MEOX2: variants seen among roughly 807,000 people sequenced by gnomAD.
MEOX2 encodes mesenchyme homeobox 2, also known as homeobox protein MOX-2.
Under a neutral mutation model 27.0 loss-of-function variants are expected in MEOX2, and 11 were observed. The ratio of observed to expected loss-of-function variants is 0.41; its 90% CI spans 0.26 to 0.68. MEOX2 has a LOEUF of 0.68. MEOX2 is among the 30% of genes least tolerant of loss of function. The pLI is 0.33. For missense variants in MEOX2, 436 were observed against 385.4 expected (o/e 1.13, Z -1.10); for synonymous variants, 189 against 155.4 (o/e 1.22, Z -1.61).
chr7:15,615,447 A>T (rs1236684414), intron 2 of MEOX2, among the ~76,000 whole-genome samples: 3 of 151,876 alleles, frequency 2.0e-5, no homozygotes, highest in Non-Finnish European at 4.4e-5. Flanking sequence ...AAGCATATAG[A>T]GTATGTGGAC....
chr7:15,657,147 G>T (rs1781834921), intron 1 of MEOX2, among the ~76,000 whole-genome samples: 1 of 152,034 alleles, frequency 6.6e-6, no homozygotes, highest in Non-Finnish European at 1.5e-5. Flanking sequence ...TCAGAAGTTT[G>T]ACTGTGATGC....
chr7:15,620,454 ACTACT>A (rs1384905797), intron 2 of MEOX2, among the ~76,000 whole-genome samples: 1 of 152,058 alleles, frequency 6.6e-6, no homozygotes, highest in Admixed American at 6.6e-5. Flanking sequence ...TGTAGTCCCA[ACTACT>A]CTACTCGGGA....
chr7:15,613,081 A>G (rs908633837), intron 2 of MEOX2, among the ~76,000 whole-genome samples: 22 of 152,258 alleles, frequency 1.4e-4, no homozygotes, highest in South Asian at 8.3e-4. Context: ...CTCTGCCATC[A>G]GAAACTACTG....
intron 2 of MEOX2, among the ~76,000 whole-genome samples, chr7:15,619,324 C>T (rs1392535249): frequency 6.6e-6 from 1 of 151,868 alleles, no homozygotes; most frequent in Non-Finnish European, 1.5e-5. Flanking sequence ...AAGTCTCTTT[C>T]TTTAGCAGTA....
At chr7:15,630,614 T>C (rs1047657461) in intron 1 of MEOX2, among the ~76,000 whole-genome samples, 8 of 152,066 alleles carry the variant, frequency 5.3e-5, no homozygotes, top group Non-Finnish European at 1.2e-4. Flanking sequence ...AAATGAATAC[T>C]AAGCCTCAGC....
chr7:15,612,819 C>A lies in MEOX2; in HGVS notation c.691-208G>T, dbSNP rs887076292. Among the ~76,000 whole-genome samples the A allele has an allele frequency of 2.0e-5, 3 of 152,136 alleles. No homozygotes were observed. The East Asian group carries it at 5.8e-4, about 29-fold the overall frequency. ...TTTTTAAAGTTTCAAAAGGTGCATA[C>A]AAAGTACTATATTTGTATTTTACAG... On this transcript the variant is annotated intron_variant, in intron 2 of 2. Coordinates refer to ENST00000262041, the MANE Select transcript of MEOX2 (RefSeq NM_005924.5).
intron 2 of MEOX2, among the ~76,000 whole-genome samples, chr7:15,623,214 G>T (rs191702633): frequency 1.3e-5 from 2 of 152,140 alleles, no homozygotes; most frequent in Non-Finnish European, 2.9e-5. Context: ...ATTTCACTGG[G>T]ATGAGAGCCC....
intron 1 of MEOX2, among the ~76,000 whole-genome samples, chr7:15,663,673 A>G (rs910271428): frequency 1.3e-5 from 2 of 152,176 alleles, no homozygotes; most frequent in African/African-American, 4.8e-5. Flanking sequence ...ACATAGCACT[A>G]AACTTATTTT....
chr7:15,651,758 A>C (rs908507203), intron 1 of MEOX2, among the ~76,000 whole-genome samples: 1 of 151,644 alleles, frequency 6.6e-6, no homozygotes, highest in Non-Finnish European at 1.5e-5. Flanking sequence ...CTCTACTGAA[A>C]AAAAGGAAAA....
rs146116757 is a variant in MEOX2 at position 15,631,906 on chromosome 7, A to ATGTGTGTG, written c.518-4996_518-4989dup. ...AAAGAGCAAGTTAAGCCAAGGTTAA[A>ATGTGTGTG]TGTGTGTGTGTGTGTGTGTGTGTGT... On this transcript the variant is annotated intron_variant, in intron 1 of 2. Coordinates refer to ENST00000262041, the MANE Select transcript of MEOX2 (RefSeq NM_005924.5). 1.0e-3 allele frequency among the ~76,000 whole-genome samples: 135 copies of ATGTGTGTG among 129,424 alleles called. 1 individual carries two copies. The highest frequency in any genetic ancestry group is 9.2e-3 in the East Asian group (42 of 4,584). 84.9% of individuals were successfully genotyped at this position (129,424 alleles called of 152,430 possible). A position where few individuals can be genotyped will look rare whatever the true frequency, so the allele number is the denominator to read the frequency against.
intron 1 of MEOX2, among the ~76,000 whole-genome samples, chr7:15,655,888 GT>G (rs1047710955): frequency 2.0e-5 from 3 of 151,736 alleles, no homozygotes; most frequent in East Asian, 1.9e-4. Flanking sequence ...GTGTTGTTAA[GT>G]TTTTTTATAT....
chr7:15,632,536 T>C (rs1383421854), intron 1 of MEOX2, among the ~76,000 whole-genome samples: 1 of 151,892 alleles, frequency 6.6e-6, no homozygotes, highest in Middle Eastern at 3.2e-3. Context: ...ATTAATGTCA[T>C]GATTAATGTG....
chr7:15,672,901 A>G (rs976335662), intron 1 of MEOX2, among the ~76,000 whole-genome samples: 6 of 126,750 alleles, frequency 4.7e-5, no homozygotes, highest in African/African-American at 1.0e-4. Flanking sequence ...TGAAAAAAAA[A>G]AAAAGAAAAA....
At chr7:15,676,169 T>C (rs1444000480) in intron 1 of MEOX2, 1 of 152,182 alleles carries the variant, frequency 6.6e-6, no homozygotes, top group Non-Finnish European at 1.5e-5. Context: ...GGGTTTGTTG[T>C]TCTCTTTTAT....
chr7:15,680,900 T>C (rs1782282534), intron 1 of MEOX2: 1 of 151,772 alleles, frequency 6.6e-6, no homozygotes, highest in African/African-American at 2.4e-5. Flanking sequence ...CATTTACCAA[T>C]ACTATAAGCC....
intron 1 of MEOX2, among the ~76,000 whole-genome samples, chr7:15,685,633 C>G (rs1782367627): frequency 6.6e-6 from 1 of 152,214 alleles, no homozygotes; most frequent in South Asian, 2.1e-4. Flanking sequence ...TTTTATCAAC[C>G]TTCTGGTAAA....
chr7:15,663,835 T>C (rs1351341209), intron 1 of MEOX2, among the ~76,000 whole-genome samples: 1 of 152,164 alleles, frequency 6.6e-6, no homozygotes, highest in Non-Finnish European at 1.5e-5. Flanking sequence ...ATCATTCCAA[T>C]CACTAAGCTG....
intron 1 of MEOX2, among the ~76,000 whole-genome samples, chr7:15,645,908 C>G (rs1259235972): frequency 2.0e-5 from 3 of 152,072 alleles, no homozygotes; most frequent in Non-Finnish European, 4.4e-5. Flanking sequence ...TGTGGCAGTA[C>G]TAAAGGAAAG....
At chr7:15,682,343 AG>A (rs2115398654) in intron 1 of MEOX2, among the ~76,000 whole-genome samples, 1 of 151,970 alleles carries the variant, frequency 6.6e-6, no homozygotes, top group East Asian at 1.9e-4. Context: ...GAGGTTGATA[AG>A]GTATTACTCT....
Sources: allele counts gnomAD v4.1 joint callset (sites outside exome capture counted in the v4.1 genomes callset), GRCh38; gene constraint gnomAD v4.1.1; transcripts MANE v1.5; gene names NCBI Gene and HGNC (gene_info 2026-07-23, HGNC 2026-07-21).